GOLIM4: variants seen among roughly 807,000 people sequenced by gnomAD.
GOLIM4 encodes 130 kDa golgi-localized phosphoprotein.
A neutral mutation model predicts 107.4 loss-of-function variants in GOLIM4; 71 were observed. That is an observed-to-expected ratio of 0.66 (90% CI 0.55 to 0.81). GOLIM4 has a LOEUF of 0.81. GOLIM4 is among the 30% of genes least tolerant of loss of function. The pLI, the probability that GOLIM4 is intolerant of heterozygous loss-of-function variation, is 0.00. For missense variants in GOLIM4, 830 were observed against 826.1 expected (o/e 1.00, Z -0.06); for synonymous variants, 327 against 294.8 (o/e 1.11, Z -1.12).
At chr3:168,053,085 C>A (rs996514027) in intron 1 of GOLIM4, among the ~76,000 whole-genome samples, 4 of 152,140 alleles carry the variant, frequency 2.6e-5, no homozygotes, top group African/African-American at 9.7e-5. Flanking sequence ...AGGTTCTATT[C>A]CCCCCAAAAG....
At chr3:168,024,383 TAAACCAC>T in intron 14 of GOLIM4, 136 bp downstream of exon 14, 1 of 676,942 alleles carries the variant, frequency 1.5e-6, no homozygotes, top group Non-Finnish European at 2.7e-6. Flanking sequence ...ATTTTTGCTT[TAAACCAC>T]CCTTTCTTAT....
chr3:168,039,332 G>A (rs531891851), intron 7 of GOLIM4, among the ~76,000 whole-genome samples: 3 of 149,284 alleles, frequency 2.0e-5, no homozygotes, highest in South Asian at 2.1e-4. Flanking sequence ...GTGCAATCTC[G>A]GCTCACTGCA....
intron 11 of GOLIM4, among the ~76,000 whole-genome samples, chr3:168,028,975 T>C (rs1223884836): frequency 6.6e-6 from 1 of 152,166 alleles, no homozygotes; most frequent in African/African-American, 2.4e-5. Context: ...AGAAATATTA[T>C]AAATATTTAG....
rs1387546424 is a variant in GOLIM4, at chr3:168,024,593, A to T, written c.1793T>A (p.Met598Lys). Residue 598 changes from methionine (M) to lysine (K), a missense_variant and splice_region_variant, in exon 14 of 16, where the codon ATG becomes AAG. Transcript: ENST00000470487. Reference sequence around the variant, plus strand: ...CTCCTGCTGGTCTGGATTTCCTGCCATCTGTTGGAAACAAAAGGGCAGGTT... The same window carrying T: ...CTCCTGCTGGTCTGGATTTCCTGCCTTCTGTTGGAAACAAAAGGGCAGGTT... ...ENTEVEEHLVMAGNPDQQEDN... is the reference protein window; with the variant it reads ...ENTEVEEHLVKAGNPDQQEDN... 1 of 1,612,396 alleles carries T rather than the reference A, an allele frequency of 6.2e-7. No homozygotes were observed. Among genetic ancestry groups the T allele is most frequent in the Non-Finnish European group, 8.5e-7 (1 of 1,178,476 alleles).
At chr3:168,054,618 AATTT>A (rs1181942453) in intron 1 of GOLIM4, among the ~76,000 whole-genome samples, 2 of 151,078 alleles carry the variant, frequency 1.3e-5, no homozygotes, top group Admixed American at 6.6e-5. Context: ...AATTAAACAT[AATTT>A]ATTAATTATA....
At chr3:168,044,173 A>G (rs899345015) in intron 4 of GOLIM4, among the ~76,000 whole-genome samples, 1 of 152,234 alleles carries the variant, frequency 6.6e-6, no homozygotes, top group African/African-American at 2.4e-5. Flanking sequence ...TCCGGTTTCA[A>G]TAAAAAGTGC....
chr3:168,039,402 T>G (rs767172609), intron 7 of GOLIM4, among the ~76,000 whole-genome samples: 6 of 151,914 alleles, frequency 3.9e-5, no homozygotes, highest in Admixed American at 1.3e-4. Flanking sequence ...TAGCTGGGAT[T>G]ACAGGTGCAC....
chr3:168,043,532 G>A lies in GOLIM4; in HGVS notation c.367-3C>T. 2 of 1,595,898 alleles carry A rather than the reference G, an allele frequency of 1.3e-6. No homozygotes were observed. The highest frequency in any genetic ancestry group is 1.7e-6 in the Non-Finnish European group (2 of 1,174,738). ...TTCTTTAGCTCCTCGTGTTGGCTCT[G>A]CAAAGATGAAAACTTGAGTAGAAAT... On this transcript the variant is annotated splice_polypyrimidine_tract_variant and splice_region_variant and intron_variant, in intron 4 of 15. Transcript: ENST00000470487.
intron 1 of GOLIM4, among the ~76,000 whole-genome samples, chr3:168,076,345 TTTTG>T (rs1291987374): frequency 3.9e-5 from 6 of 152,210 alleles, no homozygotes; most frequent in African/African-American, 1.2e-4. Context: ...TTGTTCTGTT[TTTTG>T]TTTGTTTGTT....
intron 14 of GOLIM4, among the ~76,000 whole-genome samples, chr3:168,017,154 A>G (rs913296682): frequency 3.7e-4 from 56 of 152,322 alleles, no homozygotes; most frequent in African/African-American, 1.3e-3. Flanking sequence ...AATGGTTAAA[A>G]TTCCAAATAT....
intron 1 of GOLIM4, among the ~76,000 whole-genome samples, chr3:168,079,482 G>A (rs1477317984): frequency 2.0e-5 from 3 of 152,128 alleles, no homozygotes; most frequent in African/African-American, 7.2e-5. Context: ...CTCATTGCTG[G>A]TTATACAGTT....
chr3:168,089,184 A>C (rs1721773726), intron 1 of GOLIM4, among the ~76,000 whole-genome samples: 1 of 152,218 alleles, frequency 6.6e-6, no homozygotes, highest in Admixed American at 6.5e-5. Flanking sequence ...ACTTAAGAGT[A>C]TTTTTGTTCC....
At chr3:168,075,614 T>A (rs573474032) in intron 1 of GOLIM4, among the ~76,000 whole-genome samples, 2 of 152,270 alleles carry the variant, frequency 1.3e-5, no homozygotes, top group South Asian at 4.1e-4. Flanking sequence ...GCTTCATTTA[T>A]CAGGCCTTAA....
At chr3:168,047,874 G>A (rs77886350) in intron 2 of GOLIM4, among the ~76,000 whole-genome samples, 3 of 151,994 alleles carry the variant, frequency 2.0e-5, no homozygotes, top group African/African-American at 4.8e-5. Context: ...AATTCATTAC[G>A]GTATAAATAT....
intron 11 of GOLIM4, among the ~76,000 whole-genome samples, chr3:168,028,046 A>G (rs964549584): frequency 1.3e-5 from 2 of 152,208 alleles, no homozygotes; most frequent in Admixed American, 6.5e-5. Flanking sequence ...TGGGTCAGAC[A>G]CTTTTCTTCT....
At chr3:168,063,357 T>C (rs1336717441) in intron 1 of GOLIM4, among the ~76,000 whole-genome samples, 2 of 152,214 alleles carry the variant, frequency 1.3e-5, no homozygotes, top group African/African-American at 4.8e-5. Context: ...AGCTCTCCTT[T>C]GGGATGAAAG....
chr3:168,050,872 A>AAT (rs1560090504), intron 1 of GOLIM4, among the ~76,000 whole-genome samples: 6 of 131,828 alleles, frequency 4.6e-5, no homozygotes, highest in East Asian at 2.2e-4. Flanking sequence ...ATAATAATAA[A>AAT]ACCTAGCAGC....
chr3:168,011,372 G>A (rs112201240), intron 14 of GOLIM4, among the ~76,000 whole-genome samples: 29,085 of 151,848 alleles, frequency 0.19, 6,174 homozygotes, highest in African/African-American at 0.53. Flanking sequence ...ATTATATCCC[G>A]CACCTGGCTT....
intron 1 of GOLIM4, among the ~76,000 whole-genome samples, chr3:168,055,753 G>T (rs1341259268): frequency 6.9e-6 from 1 of 145,662 alleles, no homozygotes; most frequent in Non-Finnish European, 1.5e-5. Flanking sequence ...AGTGAGCAGA[G>T]ATCATGCCAC....
Sources: allele counts gnomAD v4.1 joint callset (sites outside exome capture counted in the v4.1 genomes callset), GRCh38; gene constraint gnomAD v4.1.1; transcripts MANE v1.5; gene names NCBI Gene and HGNC (gene_info 2026-07-23, HGNC 2026-07-21).